The following ZNF471 variants were observed in gnomAD, a reference collection of about 807,000 sequenced individuals.
The protein encoded by ZNF471 is zinc finger protein 471.
ZNF471 carries 7 observed loss-of-function variants against 13.7 expected under a neutral mutation model. The observed-to-expected ratio is 0.51, with a 90% CI of 0.29 to 0.96. ZNF471 has a LOEUF of 0.96. Ranked by LOEUF, ZNF471 falls within the 40% of genes least tolerant of loss-of-function variation. ZNF471 has a pLI of 0.08. For synonymous variants in ZNF471, 218 were observed against 235.6 expected (o/e 0.93, Z 0.68); for missense variants, 663 against 743.3 (o/e 0.89, Z 1.26).
In ZNF471 at chr19:56,508,215, A is replaced by G; in HGVS notation, c.-56+295A>G. The G allele has an allele frequency of 1.0e-6, 1 of 957,102 alleles. No homozygotes were observed. Among genetic ancestry groups the G allele is most frequent in the Non-Finnish European group, 1.2e-6 (1 of 817,226 alleles). 59.3% of individuals were successfully genotyped at this position (957,102 alleles called of 1,614,324 possible). A position where few individuals can be genotyped will look rare whatever the true frequency, so the allele number is the denominator to read the frequency against. On this transcript the variant is annotated intron_variant, in intron 1 of 4. Coordinates refer to ENST00000308031, the MANE Select transcript of ZNF471 (RefSeq NM_020813.4). This position sits in a 1 kb window ranked among gnomAD's most constrained non-coding sequence, Gnocchi z 4.7. The stretch of plus-strand genomic sequence containing the variant: ...ATCTGTCAGAGTGTGAGGCTCCGTG[A>G]GAGGGTGTGGTTTCTGTGTGTGTGT...
In ZNF471 at chr19:56,528,702, G is replaced by A. The variant is rs952745616; in HGVS notation, c.*2754G>A. The stretch of plus-strand genomic sequence containing the variant: ...TGATAAATAGAACATGTTTTAAGAA[G>A]TGGCTATATAGCTCTGGATAAAACG... On this transcript the variant is annotated 3_prime_UTR_variant, in exon 5 of 5. Transcript: ENST00000308031. 6 of 152,146 alleles carry A rather than the reference G, an allele frequency of 3.9e-5. No individual in the cohort carries two copies. Among genetic ancestry groups the A allele is most frequent in the African/African-American group, 1.4e-4 (6 of 41,418 alleles). 9.4% of individuals were successfully genotyped at this position (152,146 alleles called of 1,614,324 possible). A position where few individuals can be genotyped will look rare whatever the true frequency, so the allele number is the denominator to read the frequency against.
chr19:56,511,556 A>G lies in ZNF471; in HGVS notation c.-16A>G, dbSNP rs924493489. ...GACACTGTTCTTCAAGAGAAAGACCAGAAGAGAAGGCAAAAATGAATGTTG... is the reference window on the plus strand; with the variant it reads ...GACACTGTTCTTCAAGAGAAAGACCGGAAGAGAAGGCAAAAATGAATGTTG... On this transcript the variant is annotated 5_prime_UTR_variant, in exon 2 of 5. Coordinates refer to ENST00000308031, the MANE Select transcript of ZNF471 (RefSeq NM_020813.4). The G allele has an allele frequency of 6.2e-7, 1 of 1,613,948 alleles. No homozygotes were observed. The highest frequency in any genetic ancestry group is 1.3e-5 in the African/African-American group (1 of 74,926).
intron 4 of ZNF471, among the ~76,000 whole-genome samples, chr19:56,519,354 A>C (rs2043937243): frequency 6.6e-6 from 1 of 152,140 alleles, no homozygotes; most frequent in Non-Finnish European, 1.5e-5. Context: ...CTCTACCCAG[A>C]GTGTTCCTCT....
At position 56,528,727 on chromosome 19, in the gene ZNF471, G is replaced by A. The variant is rs995316859; in HGVS notation, c.*2779G>A. 2.6e-5 allele frequency: 4 copies of A among 152,018 alleles called. No individual in the cohort carries two copies. The highest frequency in any genetic ancestry group is 4.8e-5 in the African/African-American group (2 of 41,424). The allele number at this position is 152,018 out of a possible 1,614,324, so 9.4% of individuals were successfully genotyped here. On this transcript the variant is annotated 3_prime_UTR_variant, in exon 5 of 5. Transcript: ENST00000308031. ...GTGGCTATATAGCTCTGGATAAAAC[G>A]AACAAAAGAATTAGAATTCCTGCGG...
rs192408382 is a variant in ZNF471 at position 56,510,803 on chromosome 19, C to A, written c.-55-714C>A. ...GGGATAGGAAATGTGGAATAGAATT[C>A]CTGTCCCCAGTCCAAGGGTTTCAGT... On this transcript the variant is annotated intron_variant, in intron 1 of 4. Coordinates refer to ENST00000308031, the MANE Select transcript of ZNF471 (RefSeq NM_020813.4). The surrounding 1 kb of genome is among the most constrained non-coding windows in gnomAD (Gnocchi z 4.3). 61 of 985,316 alleles carry A rather than the reference C, an allele frequency of 6.2e-5. No individual in the cohort carries two copies. The highest frequency in any genetic ancestry group is 5.2e-4 in the Middle Eastern group (1 of 1,916). 61.0% of individuals were successfully genotyped at this position (985,316 alleles called of 1,614,324 possible). A position where few individuals can be genotyped will look rare whatever the true frequency, so the allele number is the denominator to read the frequency against.
Position 56,525,680 on chromosome 19 carries a change from C to CA in ZNF471, c.1614dup (p.Gly539ArgfsTer6). Reference sequence around the variant, plus strand: ...CTTGCCCAACATCAGAAAACTCATACAGGAGAGAAACCTTATGAGTGTAAT... The same window carrying CA: ...CTTGCCCAACATCAGAAAACTCATACAAGGAGAGAAACCTTATGAGTGTAAT... On this transcript the variant is annotated frameshift_variant, in exon 5 of 5. Transcript: ENST00000308031. LOFTEE classifies it low-confidence loss of function (END_TRUNC). The CA allele has an allele frequency of 6.2e-7, 1 of 1,614,146 alleles. No individual in the cohort carries two copies. The highest frequency in any genetic ancestry group is 8.5e-7 in the Non-Finnish European group (1 of 1,180,000).
At chr19:56,515,163 T>C (rs2043865031) in intron 2 of ZNF471, among the ~76,000 whole-genome samples, 2 of 152,172 alleles carry the variant, frequency 1.3e-5, no homozygotes, top group Admixed American at 1.3e-4. Context: ...GTATATATAC[T>C]AGATTACTAA....
rs756947354 is a variant in ZNF471 at position 56,518,532 on chromosome 19, G to A, written c.211G>A (p.Glu71Lys). 6.2e-7 allele frequency: 1 copy of A among 1,613,720 alleles called. No individual in the cohort carries two copies. Among genetic ancestry groups the A allele is most frequent in the Non-Finnish European group, 8.5e-7 (1 of 1,179,912 alleles). ...YVISLLEQGREPWEMTSEMTR... is the reference protein window; with the variant it reads ...YVISLLEQGRKPWEMTSEMTR... ...GATCTCCTTATTGGAGCAAGGGAGA[G>A]AGCCTTGGGAGATGACGAGTGAGAT... The change falls in exon 4 of 5, where the codon GAG becomes AAG. Residue 71 changes from glutamate (E) to lysine (K), a missense_variant. Transcript: ENST00000308031.
chr19:56,514,808 C>A (rs546487839), intron 2 of ZNF471, among the ~76,000 whole-genome samples: 3 of 152,156 alleles, frequency 2.0e-5, no homozygotes, highest in Admixed American at 2.0e-4. Flanking sequence ...CTATGCACAA[C>A]CTACACTCCA....
chr19:56,516,148 A>C lies in ZNF471; in HGVS notation c.34-127A>C. On this transcript the variant is annotated intron_variant, in intron 2 of 4. Transcript: ENST00000308031. The surrounding 1 kb of genome is among the most constrained non-coding windows in gnomAD (Gnocchi z 4.4). ...TTCCATAAGTACTGTTTTGGCTTGG[A>C]TCTTCCTATTTATGTTTTTTCTCTT... 1 of 937,856 alleles carries C rather than the reference A, an allele frequency of 1.1e-6. No homozygotes were observed. Among genetic ancestry groups the C allele is most frequent in the Non-Finnish European group, 1.6e-6 (1 of 622,522 alleles). 58.1% of individuals were successfully genotyped at this position (937,856 alleles called of 1,614,324 possible).
At chr19:56,512,897 CTGCTT>C (rs111263664) in intron 2 of ZNF471, among the ~76,000 whole-genome samples, 3,404 of 152,126 alleles carry the variant, frequency 0.022, 108 homozygotes, top group African/African-American at 0.076. Flanking sequence ...TTTTGAAACA[CTGCTT>C]TTTTTTCTTG....
At chr19:56,509,754 T>TGTAG in intron 1 of ZNF471, 1 of 345,182 alleles carries the variant, frequency 2.9e-6, no homozygotes, top group African/African-American at 2.4e-5. Context: ...TGTGTGTGTG[T>TGTAG]AGATCCCCAC....
intron 3 of ZNF471, among the ~76,000 whole-genome samples, chr19:56,517,789 C>T (rs1252515997): frequency 6.6e-6 from 1 of 152,174 alleles, no homozygotes; most frequent in Non-Finnish European, 1.5e-5. Context: ...CTGACTCTAT[C>T]CTTACCCTCA....
rs56374940 is a variant in ZNF471, at chr19:56,514,232, T to C, written c.34-2043T>C. On this transcript the variant is annotated intron_variant, in intron 2 of 4. Coordinates refer to ENST00000308031, the MANE Select transcript of ZNF471 (RefSeq NM_020813.4). ...ATGCACCACCATGCACAGCCAATTT[T>C]TGTATTTTTGGTAGAGGTGGGGTTT... 8.3e-3 allele frequency among the ~76,000 whole-genome samples: 1,257 copies of C among 151,972 alleles called. 9 individuals carry two copies. The highest frequency in any genetic ancestry group is 0.033 in the South Asian group (161 of 4,814).
At position 56,528,240 on chromosome 19, in the gene ZNF471, T is replaced by A. The variant is rs1349572665; in HGVS notation, c.*2292T>A. 6.6e-6 allele frequency: 1 copy of A among 152,200 alleles called. No individual in the cohort carries two copies. The highest frequency in any genetic ancestry group is 2.4e-5 in the African/African-American group (1 of 41,436). The allele number at this position is 152,200 out of a possible 1,614,324, so 9.4% of individuals were successfully genotyped here. A position where few individuals can be genotyped will look rare whatever the true frequency, so the allele number is the denominator to read the frequency against. ...GCAAATTAAGTTACTCTTAAAACTC[T>A]AGTTAAAATACTTGATGTACATAAA... is the stretch of plus-strand genomic sequence containing the variant. On this transcript the variant is annotated 3_prime_UTR_variant, in exon 5 of 5. Transcript: ENST00000308031.
chr19:56,514,059 A>ATTTT (rs57705988), intron 2 of ZNF471, among the ~76,000 whole-genome samples: 4 of 116,690 alleles, frequency 3.4e-5, no homozygotes, highest in Non-Finnish European at 7.0e-5. Context: ...TAACTTTTTA[A>ATTTT]TTTTTTTTTT....
intron 2 of ZNF471, among the ~76,000 whole-genome samples, chr19:56,512,714 T>G (rs1281700159): frequency 6.6e-6 from 1 of 152,148 alleles, no homozygotes; most frequent in Non-Finnish European, 1.5e-5. Flanking sequence ...ATATTGCACA[T>G]GTATAAGAAA....
At position 56,510,633 on chromosome 19, in the gene ZNF471, C is replaced by T. The variant is rs1299478581; in HGVS notation, c.-55-884C>T. On this transcript the variant is annotated intron_variant, in intron 1 of 4. Transcript: ENST00000308031. This position sits in a 1 kb window ranked among gnomAD's most constrained non-coding sequence, Gnocchi z 4.3. ...GCTTGTGATTGTGTCCTCCGTGTGA[C>T]CATGAAACCTGTGTTAGTGTTTGTA... is the stretch of plus-strand genomic sequence containing the variant. 4.1e-6 allele frequency: 4 copies of T among 985,670 alleles called. No homozygotes were observed. In the East Asian group the frequency reaches 3.4e-4, roughly 84 times the overall value. 61.1% of individuals were successfully genotyped at this position (985,670 alleles called of 1,614,324 possible). A position where few individuals can be genotyped will look rare whatever the true frequency, so the allele number is the denominator to read the frequency against.
chr19:56,524,308 T>G lies in ZNF471; in HGVS notation c.257-16T>G, dbSNP rs764174639. 4.5e-5 allele frequency: 67 copies of G among 1,499,566 alleles called. No homozygotes were observed. Among genetic ancestry groups the G allele is most frequent in the Non-Finnish European group, 5.7e-5 (64 of 1,125,718 alleles). The allele number at this position is 1,499,566 out of a possible 1,614,324, so 92.9% of individuals were successfully genotyped here. On this transcript the variant is annotated splice_polypyrimidine_tract_variant and intron_variant, in intron 4 of 4. Transcript: ENST00000308031. This position sits in a 1 kb window ranked among gnomAD's most constrained non-coding sequence, Gnocchi z 4.8. ...CATGATAAAGGGAACATTCACTTTT[T>G]TTTAATATCTTTCAGATTGGGAATC...
Sources: allele counts gnomAD v4.1 joint callset (sites outside exome capture counted in the v4.1 genomes callset), GRCh38; gene constraint gnomAD v4.1.1; non-coding constraint Gnocchi (gnomAD v3.1); transcripts MANE v1.5; gene names NCBI Gene and HGNC (gene_info 2026-07-23, HGNC 2026-07-21).